CREBBP: variants seen among roughly 807,000 people sequenced by gnomAD.
CREBBP encodes the protein CREB-binding protein.
In CREBBP, 19 loss-of-function variants were observed where a neutral mutation model predicts 265.0. That is an observed-to-expected ratio of 0.07 (90% CI 0.05 to 0.11). The LOEUF is 0.11. Among genes scored for constraint, CREBBP ranks in the 10% least tolerant of loss-of-function variants. The probability of loss-of-function intolerance (pLI) is 1.00; values close to 1 mark genes in which losing one functional copy is unlikely to be tolerated. For synonymous variants in CREBBP, 1,457 were observed against 1,223.7 expected, an observed-to-expected ratio of 1.19 and a Z score of -3.98; for missense variants, 2,525 against 3,219.0, an observed-to-expected ratio of 0.78 and a Z score of 5.22.
At chr16:3,810,843 G>A (rs1029766431) in intron 2 of CREBBP, 64 bp from the exon 3 acceptor site, 2 of 1,527,878 alleles carry the variant, frequency 1.3e-6, no homozygotes, top group African/African-American at 2.7e-5. Flanking sequence ...AAGGGCCTGG[G>A]AAATGCTCAC....
intron 1 of CREBBP, among the ~76,000 whole-genome samples, chr16:3,861,726 G>C (rs2055078614): frequency 6.8e-6 from 1 of 147,952 alleles, no homozygotes; most frequent in Non-Finnish European, 1.5e-5. Context: ...TTTTTATCTA[G>C]GCATTTAAAC....
chr16:3,834,635 T>C (rs1224234281), intron 2 of CREBBP, among the ~76,000 whole-genome samples: 2 of 152,168 alleles, frequency 1.3e-5, no homozygotes, highest in Non-Finnish European at 2.9e-5. Flanking sequence ...GTCCACAGAA[T>C]GTACAACACC....
At chr16:3,759,473 G>A (rs113065732) in intron 16 of CREBBP, among the ~76,000 whole-genome samples, 7 of 151,878 alleles carry the variant, frequency 4.6e-5, no homozygotes, top group East Asian at 1.9e-4. Context: ...TATAAGCCCC[G>A]CTACTCGAGA....
intron 1 of CREBBP, among the ~76,000 whole-genome samples, chr16:3,855,484 C>T (rs575528555): frequency 1.3e-5 from 2 of 152,288 alleles, no homozygotes; most frequent in African/African-American, 4.8e-5. Context: ...AGGCTGGTTT[C>T]GAACTTCTGA....
chr16:3,871,881 C>T (rs1409711908), intron 1 of CREBBP, among the ~76,000 whole-genome samples: 1 of 152,120 alleles, frequency 6.6e-6, no homozygotes, highest in African/African-American at 2.4e-5. Flanking sequence ...ATAGTACAGG[C>T]ATATTAGAAA....
intron 2 of CREBBP, among the ~76,000 whole-genome samples, chr16:3,831,834 T>C (rs2054349005): frequency 6.6e-6 from 1 of 151,864 alleles, no homozygotes; most frequent in Non-Finnish European, 1.5e-5. Flanking sequence ...CCTCCTCTAC[T>C]AAAAATACGA....
At chr16:3,866,743 T>C (rs1473580786) in intron 1 of CREBBP, among the ~76,000 whole-genome samples, 1 of 152,100 alleles carries the variant, frequency 6.6e-6, no homozygotes, top group East Asian at 1.9e-4. Context: ...TTCTAGAGAT[T>C]CCCTTCTAGA....
In CREBBP at chr16:3,800,882, C is replaced by G. The variant is rs185613840; in HGVS notation, c.976-7256G>C. ...TTTCTATGACTAAAATCACTAGGAA[C>G]AAGTGTAAGGGCCATTTATGAACTA... On this transcript the variant is annotated intron_variant, in intron 3 of 30. Transcript: ENST00000262367. Among the ~76,000 whole-genome samples, 16 of 152,302 alleles carry G rather than the reference C, an allele frequency of 1.1e-4. No homozygotes were observed. The East Asian group carries it at 3.1e-3, about 29-fold the overall frequency.
chr16:3,867,603 A>G (rs1412657718), intron 1 of CREBBP, among the ~76,000 whole-genome samples: 1 of 152,108 alleles, frequency 6.6e-6, no homozygotes, highest in Non-Finnish European at 1.5e-5. Flanking sequence ...TTACCGTTAA[A>G]AAAGAAGACT....
chr16:3,846,856 G>C (rs900871423), intron 2 of CREBBP, among the ~76,000 whole-genome samples: 1 of 152,138 alleles, frequency 6.6e-6, no homozygotes, highest in Non-Finnish European at 1.5e-5. Context: ...GTGAGAATTT[G>C]GGAGAACCAA....
chr16:3,725,175 C>T lies in CREBBP; in HGVS notation c.*2543G>A, dbSNP rs1454093503. On this transcript the variant is annotated 3_prime_UTR_variant, in exon 31 of 31. Coordinates refer to ENST00000262367, the MANE Select transcript of CREBBP (RefSeq NM_004380.3). ...CTTAAGTATACAGCATGAGACACAG[C>T]GTTGGGGCTTTCCAGGTTTCTTACA... is the stretch of plus-strand genomic sequence containing the variant. 1 of 233,390 alleles carries T rather than the reference C, an allele frequency of 4.3e-6. No homozygotes were observed. Among genetic ancestry groups the T allele is most frequent in the Non-Finnish European group, 8.5e-6 (1 of 117,972 alleles). 14.5% of individuals were successfully genotyped at this position (233,390 alleles called of 1,614,324 possible). A position where few individuals can be genotyped will look rare whatever the true frequency, so the allele number is the denominator to read the frequency against.
At chr16:3,807,808 C>T (rs2053859622) in intron 3 of CREBBP, among the ~76,000 whole-genome samples, 2 of 152,178 alleles carry the variant, frequency 1.3e-5, no homozygotes, top group Non-Finnish European at 2.9e-5. Context: ...GCTGGTACCC[C>T]ACTTTCCCAC....
chr16:3,773,041 G>T (rs577901227), intron 13 of CREBBP, among the ~76,000 whole-genome samples: 11 of 151,538 alleles, frequency 7.3e-5, no homozygotes, highest in Non-Finnish European at 1.2e-4. Flanking sequence ...AGCCGAGATT[G>T]TACCACTGCA....
At chr16:3,845,651 T>G (rs571993289) in intron 2 of CREBBP, among the ~76,000 whole-genome samples, 1 of 152,004 alleles carries the variant, frequency 6.6e-6, no homozygotes, top group Non-Finnish European at 1.5e-5. Flanking sequence ...TTTGGGAGGC[T>G]GAGGTGGGTG....
intron 10 of CREBBP, 36 bp from the exon 11 acceptor site, chr16:3,777,693 C>G: frequency 6.2e-7 from 1 of 1,609,426 alleles, no homozygotes; most frequent in Non-Finnish European, 8.5e-7. Flanking sequence ...ACAAAACCAC[C>G]CTAGTTATTT....
At chr16:3,815,565 T>G (rs1271287737) in intron 2 of CREBBP, among the ~76,000 whole-genome samples, 3 of 149,318 alleles carry the variant, frequency 2.0e-5, no homozygotes, top group African/African-American at 5.0e-5. Flanking sequence ...TTTTTTTTTT[T>G]GTAAAGCTGG....
intron 3 of CREBBP, among the ~76,000 whole-genome samples, chr16:3,793,848 T>A (rs2053553966): frequency 6.6e-6 from 1 of 151,978 alleles, no homozygotes; most frequent in Non-Finnish European, 1.5e-5. Context: ...TGTATACAAT[T>A]ATCATCCAAG....
At chr16:3,807,717 G>T (rs140938839) in intron 3 of CREBBP, among the ~76,000 whole-genome samples, 1 of 152,158 alleles carries the variant, frequency 6.6e-6, no homozygotes, top group Non-Finnish European at 1.5e-5. Context: ...TGTAAAATGG[G>T]ACCTGGAATG....
intron 10 of CREBBP, 49 bp downstream of exon 10, chr16:3,777,962 A>C: frequency 1.3e-6 from 2 of 1,598,038 alleles, no homozygotes; most frequent in Non-Finnish European, 1.7e-6. Context: ...ACACGAAGGA[A>C]AACCAAGGAA....
Sources: gnomAD v4.1 joint callset for allele counts (sites outside exome capture counted in the v4.1 genomes callset) on GRCh38, gnomAD v4.1.1 for gene constraint, MANE v1.5 for transcripts, NCBI Gene and HGNC (gene_info 2026-07-23, HGNC 2026-07-21) for gene names.